The following NDUFAF2 variants were observed in gnomAD, a reference collection of about 807,000 sequenced individuals.
NDUFAF2 encodes NADH:ubiquinone oxidoreductase complex assembly factor 2.
In NDUFAF2, 13 loss-of-function variants were observed where a neutral mutation model predicts 22.8. The observed-to-expected ratio is 0.57, with a 90% CI of 0.37 to 0.91. The LOEUF (loss-of-function observed/expected upper bound fraction) is 0.91, where lower values mean the gene tolerates loss of function less well. NDUFAF2 is among the 40% of genes least tolerant of loss of function. NDUFAF2 has a pLI of 0.01. For synonymous variants in NDUFAF2, 53 were observed against 64.2 expected (o/e 0.83, Z 0.84); for missense variants, 162 against 195.2 (o/e 0.83, Z 1.01).
chr5:61,084,729 T>C (rs551931730), intron 2 of NDUFAF2, among the ~76,000 whole-genome samples: 150 of 152,312 alleles, frequency 9.8e-4, no homozygotes, highest in Non-Finnish European at 7.4e-4. Flanking sequence ...CATCGAATGA[T>C]GGACACTGGA....
At chr5:61,057,161 C>G (rs955647674) in intron 1 of NDUFAF2, among the ~76,000 whole-genome samples, 13 of 151,604 alleles carry the variant, frequency 8.6e-5, no homozygotes, top group African/African-American at 2.9e-4. Context: ...TCTTGTTGTT[C>G]AGACTTCTTT....
At chr5:60,995,957 C>T (rs1472383161) in intron 1 of NDUFAF2, among the ~76,000 whole-genome samples, 1 of 152,180 alleles carries the variant, frequency 6.6e-6, no homozygotes, top group African/African-American at 2.4e-5. Flanking sequence ...TACAAGACTA[C>T]CCCTGATGTT....
chr5:61,105,317 A>G lies in NDUFAF2; in HGVS notation c.258+6285A>G, dbSNP rs1008622269. Reference sequence around the variant, plus strand: ...ATTGAGTAAGTTATCTGTGCCCAATATTACTAGGTTCATTTTATAAGTTAC... The same window carrying G: ...ATTGAGTAAGTTATCTGTGCCCAATGTTACTAGGTTCATTTTATAAGTTAC... On this transcript the variant is annotated intron_variant, in intron 3 of 3. Transcript: ENST00000296597. 1.9e-4 allele frequency among the ~76,000 whole-genome samples: 28 copies of G among 151,298 alleles called. 2 individuals are homozygous for G. Among genetic ancestry groups the G allele is most frequent in the African/African-American group, 6.9e-4 (28 of 40,712 alleles).
At chr5:61,148,746 C>G (rs1741182171) in intron 3 of NDUFAF2, among the ~76,000 whole-genome samples, 1 of 152,124 alleles carries the variant, frequency 6.6e-6, no homozygotes, top group South Asian at 2.1e-4. Flanking sequence ...GAGAAACATT[C>G]AGTGAATAAC....
chr5:61,091,911 A>G (rs892830583), intron 2 of NDUFAF2, among the ~76,000 whole-genome samples: 1 of 152,142 alleles, frequency 6.6e-6, no homozygotes, highest in Non-Finnish European at 1.5e-5. Context: ...TTTTCTGCAT[A>G]TGGCTAGCCA....
chr5:60,945,305 G>A lies in NDUFAF2; in HGVS notation c.50G>A (p.Arg17Lys), dbSNP rs141492697. ...CGCGCCTTGTGGAGATCGCTGTCAA[G>A]GGAAGTGAAGGAGCACGTGGGCACG... ...LFRALWRSLS[R>K]EVKEHVGTDQ... is the part of the protein sequence containing the mutation. The change falls in exon 1 of 4, where the codon AGG (arginine) becomes AAG (lysine). Residue 17 changes from arginine (R) to lysine (K), a missense_variant. Around this residue, in one of 2 missense-constraint regions of NDUFAF2, gnomAD observed 94 missense variants for 85.2 expected, o/e 1.10. Transcript: ENST00000296597. 1 of 1,614,072 alleles carries A rather than the reference G, an allele frequency of 6.2e-7. No individual in the cohort carries two copies.
intron 1 of NDUFAF2, among the ~76,000 whole-genome samples, chr5:60,998,990 T>C (rs1349905522): frequency 6.6e-6 from 1 of 152,040 alleles, no homozygotes; most frequent in African/African-American, 2.4e-5. Context: ...AAAATGGAAT[T>C]GGAGGCTTTC....
At chr5:61,062,653 C>T (rs2111716580) in intron 1 of NDUFAF2, among the ~76,000 whole-genome samples, 1 of 152,184 alleles carries the variant, frequency 6.6e-6, no homozygotes, top group African/African-American at 2.4e-5. Flanking sequence ...GAAGTAATTG[C>T]TGAAAATTTG....
intron 1 of NDUFAF2, among the ~76,000 whole-genome samples, chr5:60,981,730 C>T (rs572551886): frequency 6.6e-6 from 1 of 152,260 alleles, no homozygotes; most frequent in South Asian, 2.1e-4. Flanking sequence ...TTAACCAAAA[C>T]AGCATCATAG....
chr5:61,145,580 A>G (rs1741127246), intron 3 of NDUFAF2, among the ~76,000 whole-genome samples: 2 of 152,202 alleles, frequency 1.3e-5, no homozygotes, highest in South Asian at 4.1e-4. Context: ...AAATATTCCA[A>G]GATCCAAAAA....
intron 1 of NDUFAF2, among the ~76,000 whole-genome samples, chr5:60,981,845 C>A (rs1580077980): frequency 6.6e-6 from 1 of 152,184 alleles, no homozygotes; most frequent in East Asian, 1.9e-4. Context: ...CAAGAACATA[C>A]AGTGAGGAAA....
intron 1 of NDUFAF2, among the ~76,000 whole-genome samples, chr5:60,985,262 G>T (rs191652220): frequency 1.6e-3 from 237 of 152,142 alleles, no homozygotes; most frequent in Middle Eastern, 6.8e-3. Context: ...ATTTTTTGTT[G>T]TGTCTGTTTT....
chr5:61,100,123 G>C (rs80136519), intron 3 of NDUFAF2, among the ~76,000 whole-genome samples: 2 of 25,590 alleles, frequency 7.8e-5, no homozygotes, highest in African/African-American at 1.9e-4. Flanking sequence ...AAGCTGTTTT[G>C]GGGGGAAAAA....
At chr5:61,140,652 G>C (rs962250892) in intron 3 of NDUFAF2, among the ~76,000 whole-genome samples, 2 of 152,152 alleles carry the variant, frequency 1.3e-5, no homozygotes, top group African/African-American at 4.8e-5. Flanking sequence ...TGGAAATCTT[G>C]CTCTTCCTTC....
intron 1 of NDUFAF2, among the ~76,000 whole-genome samples, chr5:61,061,482 T>C (rs1352904495): frequency 6.6e-6 from 1 of 152,184 alleles, no homozygotes; most frequent in African/African-American, 2.4e-5. Context: ...TTCATAATTA[T>C]TGAGAGAACT....
chr5:61,031,023 C>T (rs1751716152), intron 1 of NDUFAF2, among the ~76,000 whole-genome samples: 1 of 152,004 alleles, frequency 6.6e-6, no homozygotes. Context: ...CTGGTTAGTT[C>T]CTTTGGCTGC....
intron 1 of NDUFAF2, among the ~76,000 whole-genome samples, chr5:60,964,490 G>T (rs1454780267): frequency 2.8e-5 from 4 of 142,716 alleles, no homozygotes; most frequent in Non-Finnish European, 4.5e-5. Context: ...TCACTCTGTT[G>T]CCCCGGCTGG....
In NDUFAF2 at chr5:60,945,425, C is replaced by A. The variant is rs749009663; in HGVS notation, c.127+43C>A. 8 of 1,613,746 alleles carry A rather than the reference C, an allele frequency of 5.0e-6. No individual in the cohort carries two copies. In the East Asian group the frequency reaches 1.6e-4, roughly 31 times the overall value. ...GCAGCGATTGCGTGGTCAGTGATTG[C>A]GAGGTCAGTAAAGGAGGGAAAAGTG... On this transcript the variant is annotated intron_variant, in intron 1 of 3. Transcript: ENST00000296597.
At chr5:61,125,440 G>A (rs1308801808) in intron 3 of NDUFAF2, among the ~76,000 whole-genome samples, 2 of 151,934 alleles carry the variant, frequency 1.3e-5, no homozygotes, top group African/African-American at 4.8e-5. Context: ...CATGTGTAAG[G>A]GGGAGTGTTA....
Sources: allele counts gnomAD v4.1 joint callset (sites outside exome capture counted in the v4.1 genomes callset), GRCh38; gene constraint gnomAD v4.1.1; regional missense constraint gnomAD v4.1.1; transcripts MANE v1.5; gene names NCBI Gene and HGNC (gene_info 2026-07-23, HGNC 2026-07-21).